CCDC63: variants seen among roughly 807,000 people sequenced by gnomAD.
The protein encoded by CCDC63 is coiled-coil domain-containing protein 63.
Under a neutral mutation model 63.6 loss-of-function variants are expected in CCDC63, and 54 were observed. That is an observed-to-expected ratio of 0.85 (90% CI 0.68 to 1.07). The LOEUF (loss-of-function observed/expected upper bound fraction) is 1.07, where lower values mean the gene tolerates loss of function less well. Among genes scored for constraint, CCDC63 ranks in the 50% least tolerant of loss-of-function variants. The pLI, the probability that CCDC63 is intolerant of heterozygous loss-of-function variation, is 0.00. For missense variants in CCDC63, 637 were observed against 689.6 expected (o/e 0.92, Z 0.86); for synonymous variants, 253 against 266.1 (o/e 0.95, Z 0.48).
chr12:110,855,034 G>A (rs766551883), intron 3 of CCDC63, among the ~76,000 whole-genome samples: 4 of 151,760 alleles, frequency 2.6e-5, no homozygotes, highest in African/African-American at 4.8e-5. Context: ...CAAGCAATCC[G>A]CCCGCCTAGG....
intron 8 of CCDC63, among the ~76,000 whole-genome samples, chr12:110,891,267 C>A (rs942924605): frequency 4.0e-5 from 6 of 151,750 alleles, no homozygotes; most frequent in Non-Finnish European, 7.4e-5. Context: ...GCTGAGATCA[C>A]ACCACTGCAC....
At chr12:110,863,666 T>G (rs1020947067) in intron 4 of CCDC63, among the ~76,000 whole-genome samples, 1 of 151,660 alleles carries the variant, frequency 6.6e-6, no homozygotes, top group African/African-American at 2.4e-5. Context: ...TCAGCCTCCC[T>G]AGTAGTTGGG....
At chr12:110,898,528 G>GA in intron 9 of CCDC63, among the ~76,000 whole-genome samples, 1 of 150,276 alleles carries the variant, frequency 6.7e-6, no homozygotes, top group East Asian at 2.0e-4. Context: ...TGAGGCATGA[G>GA]AATTGCTTGA....
intron 4 of CCDC63, among the ~76,000 whole-genome samples, chr12:110,867,980 C>T (rs1342187316): frequency 4.9e-5 from 7 of 141,856 alleles, no homozygotes; most frequent in South Asian, 2.3e-4. Context: ...TCAGACGGGG[C>T]GGTTGCCAGG....
chr12:110,872,182 C>T (rs1302191042), intron 4 of CCDC63, among the ~76,000 whole-genome samples: 1 of 152,188 alleles, frequency 6.6e-6, no homozygotes, highest in Non-Finnish European at 1.5e-5. Flanking sequence ...CCTTGTGGAC[C>T]ACGTGGTCTC....
Position 110,880,089 on chromosome 12 carries a change from T to A in CCDC63, c.671+2T>A. The A allele has an allele frequency of 6.2e-7, 1 of 1,613,350 alleles. No homozygotes were observed. ...ATCTTCTCAGGCCTATGAGCAGAGG[T>A]GGGCTGGGGATAGGTCCAGGGGCAG... On this transcript the variant is annotated splice_donor_variant, in intron 6 of 11. Coordinates refer to ENST00000308208, the MANE Select transcript of CCDC63 (RefSeq NM_152591.3). LOFTEE classifies it high-confidence loss of function.
chr12:110,879,776 C>T, intron 5 of CCDC63, 130 bp from the exon 6 acceptor site: 1 of 849,922 alleles, frequency 1.2e-6, no homozygotes, highest in African/African-American at 1.7e-5. Flanking sequence ...TTGCCTACTG[C>T]TCCAACCACT....
intron 4 of CCDC63, among the ~76,000 whole-genome samples, chr12:110,860,374 G>A (rs917290125): frequency 6.6e-6 from 1 of 152,130 alleles, no homozygotes; most frequent in Non-Finnish European, 1.5e-5. Flanking sequence ...GCCTTATTCT[G>A]GTGTTTAACG....
At chr12:110,853,361 C>A in intron 2 of CCDC63, 44 bp from the exon 3 acceptor site, 1 of 1,576,802 alleles carries the variant, frequency 6.3e-7, no homozygotes, top group Non-Finnish European at 8.6e-7. Flanking sequence ...CTTCTCTAGC[C>A]ACCTGGCCCA....
intron 11 of CCDC63, among the ~76,000 whole-genome samples, chr12:110,906,061 T>A (rs1566144927): frequency 4.3e-4 from 39 of 91,400 alleles, no homozygotes; most frequent in South Asian, 1.1e-3. Context: ...ATATATATAA[T>A]ATATATACTT....
chr12:110,880,746 G>A (rs1350442747), intron 6 of CCDC63, among the ~76,000 whole-genome samples: 2 of 320 alleles, frequency 6.3e-3, no homozygotes, highest in African/African-American at 0.017. Flanking sequence ...GGTGGTGATG[G>A]TGATGGTGGT....
In CCDC63 at chr12:110,889,855, T is replaced by C. The variant is rs2071334326; in HGVS notation, c.1075-3221T>C. Among the ~76,000 whole-genome samples, 2 of 151,436 alleles carry C rather than the reference T, an allele frequency of 1.3e-5. No homozygotes were observed. Among genetic ancestry groups the C allele is most frequent in the East Asian group, 3.9e-4 (2 of 5,132 alleles). ...GCCCTGTAAAGATCGGAAGACTCAC[T>C]TCCTTTCTTTTTTCCTTTTTCCAAA... is the stretch of plus-strand genomic sequence containing the variant. On this transcript the variant is annotated intron_variant, in intron 8 of 11. Transcript: ENST00000308208. The surrounding 1 kb of genome is among the most constrained non-coding windows in gnomAD (Gnocchi z 4.1).
At chr12:110,849,498 CTTT>C (rs56059098) in intron 1 of CCDC63, among the ~76,000 whole-genome samples, 3 of 126,284 alleles carry the variant, frequency 2.4e-5, no homozygotes, top group African/African-American at 2.9e-5. Flanking sequence ...CTCTTATTTC[CTTT>C]TTTTTTTTTT....
intron 7 of CCDC63, among the ~76,000 whole-genome samples, chr12:110,882,577 A>T (rs1174912862): frequency 6.6e-6 from 1 of 151,836 alleles, no homozygotes; most frequent in South Asian, 2.1e-4. Flanking sequence ...AAAAAAAAAA[A>T]GGTTATCTCA....
chr12:110,865,490 G>GAAAAAGAAGAGACAAAGA, intron 4 of CCDC63, among the ~76,000 whole-genome samples: 1 of 128,946 alleles, frequency 7.8e-6, no homozygotes, highest in South Asian at 2.5e-4. Context: ...AAAGAAAAAA[G>GAAAAAGAAGAGACAAAGA]AAAAAGAAGA....
chr12:110,849,143 C>G (rs1362495856), intron 1 of CCDC63, among the ~76,000 whole-genome samples: 1 of 152,232 alleles, frequency 6.6e-6, no homozygotes, highest in Non-Finnish European at 1.5e-5. Context: ...TTACCAGCCA[C>G]TATTTTCCTA....
intron 9 of CCDC63, among the ~76,000 whole-genome samples, chr12:110,893,893 G>T (rs1040023288): frequency 2.0e-5 from 3 of 151,840 alleles, no homozygotes; most frequent in African/African-American, 7.3e-5. Context: ...AGCTACTTGG[G>T]AGTCTGAGGC....
chr12:110,869,355 A>G (rs1024820086), intron 4 of CCDC63, among the ~76,000 whole-genome samples: 1 of 152,048 alleles, frequency 6.6e-6, no homozygotes, highest in Non-Finnish European at 1.5e-5. Context: ...TGTTGCCTTT[A>G]CCTACCAGGG....
At chr12:110,879,319 A>T (rs754123060) in intron 5 of CCDC63, among the ~76,000 whole-genome samples, 18 of 152,330 alleles carry the variant, frequency 1.2e-4, no homozygotes, top group Non-Finnish European at 2.4e-4. Flanking sequence ...CTCCAAAGGG[A>T]CGTTGTCCCC....
Sources: gnomAD v4.1 joint callset for allele counts (sites outside exome capture counted in the v4.1 genomes callset) on GRCh38, gnomAD v4.1.1 for gene constraint, Gnocchi (gnomAD v3.1) non-coding constraint, MANE v1.5 for transcripts, NCBI Gene and HGNC (gene_info 2026-07-23, HGNC 2026-07-21) for gene names.